Variants in CDH18 observed in about 807,000 individuals in gnomAD.
The protein encoded by CDH18 is cadherin-18.
CDH18 carries 31 observed loss-of-function variants against 67.9 expected under a neutral mutation model. That is an observed-to-expected ratio of 0.46 (90% confidence interval 0.34 to 0.62). CDH18 has a LOEUF of 0.62. Among genes scored for constraint, CDH18 ranks in the 20% least tolerant of loss-of-function variants. The probability of loss-of-function intolerance (pLI) is 0.01; values close to 1 mark genes in which losing one functional copy is unlikely to be tolerated. For missense variants in CDH18, 890 were observed against 975.5 expected, an observed-to-expected ratio of 0.91 and a Z score of 1.17; for synonymous variants, 362 against 347.2, an observed-to-expected ratio of 1.04 and a Z score of -0.48.
intron 1 of CDH18, among the ~76,000 whole-genome samples, chr5:20,529,961 A>G (rs1327308705): frequency 6.6e-6 from 1 of 152,066 alleles, no homozygotes; most frequent in Admixed American, 6.6e-5. Context: ...CTTTGTTTGC[A>G]GATGACATGA....
intron 1 of CDH18, among the ~76,000 whole-genome samples, chr5:20,446,488 A>G (rs1286032287): frequency 6.6e-6 from 1 of 152,172 alleles, no homozygotes; most frequent in Non-Finnish European, 1.5e-5. Flanking sequence ...TGCTCAAGTG[A>G]GGAGTCAGTG....
At chr5:19,766,762 A>G (rs1773141454) in intron 3 of CDH18, among the ~76,000 whole-genome samples, 1 of 152,038 alleles carries the variant, frequency 6.6e-6, no homozygotes, top group Admixed American at 6.5e-5. Flanking sequence ...TTCAAACTAG[A>G]TAGTTTCTAT....
At chr5:20,555,408 CTTTTTTTTTTTTTTTTTTTTTT>C (rs774396694) in intron 1 of CDH18, among the ~76,000 whole-genome samples, 76 of 103,658 alleles carry the variant, frequency 7.3e-4, no homozygotes, top group African/African-American at 2.8e-3. Flanking sequence ...ACAAGCTTTT[CTTTTTTTTTTTTTTTTTTTTTT>C]TTTTTTTTTT....
chr5:19,979,684 A>G (rs1052230877), intron 2 of CDH18, among the ~76,000 whole-genome samples: 1 of 152,220 alleles, frequency 6.6e-6, no homozygotes, highest in African/African-American at 2.4e-5. Context: ...AACCTAATAA[A>G]TGTAATAGAA....
intron 1 of CDH18, among the ~76,000 whole-genome samples, chr5:20,272,940 G>A (rs144543151): frequency 6.6e-6 from 1 of 152,132 alleles, no homozygotes; most frequent in East Asian, 1.9e-4. Context: ...TAATGAAAAT[G>A]CAGTAATGTT....
chr5:19,884,500 C>CTT (rs1787984525), intron 2 of CDH18, among the ~76,000 whole-genome samples: 1 of 151,544 alleles, frequency 6.6e-6, no homozygotes, highest in African/African-American at 2.4e-5. Flanking sequence ...CTATACAAAA[C>CTT]ATTAAAATTA....
At chr5:19,841,007 G>A (rs1031406422) in intron 2 of CDH18, among the ~76,000 whole-genome samples, 2 of 152,142 alleles carry the variant, frequency 1.3e-5, no homozygotes, top group African/African-American at 4.8e-5. Context: ...GTTACAGCAT[G>A]ATTCTCTTAC....
chr5:20,232,816 C>T (rs1438455125), intron 2 of CDH18, among the ~76,000 whole-genome samples: 1 of 152,010 alleles, frequency 6.6e-6, no homozygotes, highest in Non-Finnish European at 1.5e-5. Context: ...ATTATTCACT[C>T]ATGACAAACA....
chr5:20,221,287 T>C (rs961578531), intron 2 of CDH18, among the ~76,000 whole-genome samples: 3 of 152,010 alleles, frequency 2.0e-5, no homozygotes, highest in Admixed American at 2.0e-4. Context: ...GCCGTAAAAA[T>C]GAATGAGATC....
intron 2 of CDH18, among the ~76,000 whole-genome samples, chr5:19,870,798 G>T (rs1786179318): frequency 6.6e-6 from 1 of 152,144 alleles, no homozygotes; most frequent in Non-Finnish European, 1.5e-5. Context: ...CTGCATAAAT[G>T]TAGAAATTAT....
chr5:20,461,218 C>T (rs1216412861), intron 1 of CDH18, among the ~76,000 whole-genome samples: 1 of 152,126 alleles, frequency 6.6e-6, no homozygotes, highest in Non-Finnish European at 1.5e-5. Context: ...TTGGGAGCTA[C>T]GTTGCTTCAC....
intron 5 of CDH18, among the ~76,000 whole-genome samples, chr5:19,649,227 C>T (rs1561540014): frequency 6.6e-6 from 1 of 152,092 alleles, no homozygotes; most frequent in African/African-American, 2.4e-5. Flanking sequence ...CAGAAATAGT[C>T]TTTGAATGCC....
intron 1 of CDH18, among the ~76,000 whole-genome samples, chr5:20,363,469 C>T (rs1165782647): frequency 9.8e-6 from 1 of 101,824 alleles, no homozygotes; most frequent in Admixed American, 1.3e-4. Flanking sequence ...CAGAGCGAGA[C>T]TCCGTATCAA....
intron 2 of CDH18, among the ~76,000 whole-genome samples, chr5:20,062,265 C>G (rs1404293605): frequency 6.6e-6 from 1 of 151,552 alleles, no homozygotes; most frequent in Non-Finnish European, 1.5e-5. Context: ...CAATGATTCT[C>G]CTGCCTCAGA....
chr5:19,479,214 T>C (rs1738990321), intron 12 of CDH18, among the ~76,000 whole-genome samples: 1 of 152,176 alleles, frequency 6.6e-6, no homozygotes, highest in African/African-American at 2.4e-5. Context: ...AAACTAGAGC[T>C]GGGTTTGTAC....
At chr5:20,181,215 A>G (rs184736024) in intron 2 of CDH18, among the ~76,000 whole-genome samples, 29 of 152,230 alleles carry the variant, frequency 1.9e-4, no homozygotes, top group Non-Finnish European at 2.9e-4. Context: ...TGCTCCTCCC[A>G]TATTTTTGGG....
chr5:19,749,789 G>A (rs1243844856), intron 3 of CDH18, among the ~76,000 whole-genome samples: 3 of 150,856 alleles, frequency 2.0e-5, no homozygotes, highest in African/African-American at 7.3e-5. Flanking sequence ...GACTCCACAT[G>A]TATAACATTA....
intron 2 of CDH18, among the ~76,000 whole-genome samples, chr5:20,038,741 T>A (rs1740126329): frequency 6.6e-6 from 1 of 152,162 alleles, no homozygotes; most frequent in African/African-American, 2.4e-5. Flanking sequence ...AATATCATAC[T>A]TAATGGGCAA....
At chr5:19,511,138 T>TC (rs1423788689) in intron 10 of CDH18, among the ~76,000 whole-genome samples, 1 of 151,992 alleles carries the variant, frequency 6.6e-6, no homozygotes. Context: ...AAGCAGCTCA[T>TC]CCCCCATCTC....
Sources: allele counts gnomAD v4.1 joint callset (sites outside exome capture counted in the v4.1 genomes callset), GRCh38; gene constraint gnomAD v4.1.1; transcripts MANE v1.5; gene names NCBI Gene and HGNC (gene_info 2026-07-23, HGNC 2026-07-21).